Variants in SHROOM4 observed in about 807,000 individuals in gnomAD.
SHROOM4 encodes protein Shroom4.
SHROOM4 carries 17 observed loss-of-function variants against 80.3 expected under a neutral mutation model. That is an observed-to-expected ratio of 0.21 (90% CI 0.14 to 0.32). The LOEUF (loss-of-function observed/expected upper bound fraction) is 0.32. SHROOM4 is among the 10% of genes least tolerant of loss of function. SHROOM4 has a pLI of 1.00. For missense variants in SHROOM4, 993 were observed against 1,140.3 expected, an observed-to-expected ratio of 0.87 and a Z score of 1.86; for synonymous variants, 400 against 437.5, an observed-to-expected ratio of 0.91 and a Z score of 1.07.
intron 2 of SHROOM4, among the ~76,000 whole-genome samples, chrX:50,659,306 T>C (rs1340866206): frequency 9.0e-6 from 1 of 111,478 alleles, no homozygotes; most frequent in East Asian, 2.8e-4. Context: ...ATGAACACTA[T>C]AGTCCAAGTG....
rs1217867502 is a variant in SHROOM4, at chrX:50,687,267, C to CTTTTTTTTTTTTTT, written c.269+8505_269+8518dup. ...CTATTCAACTTTGCCATTTTGGTGT[C>CTTTTTTTTTTTTTT]TTTTTTTTTTTTTTTTAAAAACAGC... On this transcript the variant is annotated intron_variant, in intron 2 of 8. Coordinates refer to ENST00000376020, the MANE Select transcript of SHROOM4 (RefSeq NM_020717.5). 4.2e-3 allele frequency: 377 copies of CTTTTTTTTTTTTTT among 88,724 alleles called. 6 individuals carry two copies. Among genetic ancestry groups the CTTTTTTTTTTTTTT allele is most frequent in the African/African-American group, 0.016 (353 of 22,012 alleles). The allele number at this position is 88,724 out of a possible 1,213,427, so 7.3% of individuals were successfully genotyped here. A position where few individuals can be genotyped will look rare whatever the true frequency, so the allele number is the denominator to read the frequency against.
chrX:50,629,557 T>C (rs1477425286), intron 4 of SHROOM4, among the ~76,000 whole-genome samples: 1 of 111,903 alleles, frequency 8.9e-6, no homozygotes, highest in African/African-American at 3.3e-5. Flanking sequence ...CAGTAGACAC[T>C]GAGATGCTAG....
In SHROOM4 at chrX:50,610,352, T is replaced by TCACACA. The variant is rs1557249589; in HGVS notation, c.2958-2174_2958-2169dup. 9.7e-4 allele frequency among the ~76,000 whole-genome samples: 89 copies of TCACACA among 91,704 alleles called. 1 individual carries two copies. In the East Asian group the frequency reaches 0.012, roughly 13 times the overall value. 79.6% of individuals were successfully genotyped at this position (91,704 alleles called of 115,157 possible). On this transcript the variant is annotated intron_variant, in intron 5 of 8. Transcript: ENST00000376020. Reference sequence around the variant, plus strand: ...GGCATATTCTCTCTCTCTCTCTCTCTCACACACACACACACACACACACAC... The same window carrying TCACACA: ...GGCATATTCTCTCTCTCTCTCTCTCTCACACACACACACACACACACACACACACAC...
intron 1 of SHROOM4, among the ~76,000 whole-genome samples, chrX:50,746,121 A>G (rs782452213): frequency 3.6e-4 from 40 of 111,898 alleles, no homozygotes; most frequent in African/African-American, 1.3e-3. Flanking sequence ...TAAACTGCAC[A>G]TATTTAAAGT....
chrX:50,718,888 A>T (rs1254784430), intron 1 of SHROOM4, among the ~76,000 whole-genome samples: 2 of 111,251 alleles, frequency 1.8e-5, no homozygotes, highest in Non-Finnish European at 3.8e-5. Context: ...GCAAACTTAC[A>T]CACACACATG....
intron 5 of SHROOM4, among the ~76,000 whole-genome samples, chrX:50,613,124 G>A (rs1557250169): frequency 8.9e-6 from 1 of 111,753 alleles, no homozygotes. Context: ...AAATTCATCA[G>A]AAACTTTTTT....
intron 1 of SHROOM4, among the ~76,000 whole-genome samples, chrX:50,774,745 C>T (rs781877340): frequency 2.7e-5 from 3 of 109,667 alleles, no homozygotes; most frequent in South Asian, 4.0e-4. Context: ...ATATGTTCAT[C>T]GAATGTTCAA....
Position 50,674,294 on chromosome X carries a change from A to C in SHROOM4, c.269+21492T>G, listed in dbSNP as rs139266928. On this transcript the variant is annotated intron_variant, in intron 2 of 8. Transcript: ENST00000376020. Reference sequence around the variant, plus strand: ...AAAGCAATTGTGAAAAAGAAGAATAAAGTAAGAATCAATATACCCAATTTC... The same window carrying C: ...AAAGCAATTGTGAAAAAGAAGAATACAGTAAGAATCAATATACCCAATTTC... Among the ~76,000 whole-genome samples, 910 of 111,574 alleles carry C rather than the reference A, an allele frequency of 8.2e-3. 11 individuals carry two copies. Among genetic ancestry groups the C allele is most frequent in the African/African-American group, 0.028 (852 of 30,828 alleles).
intron 5 of SHROOM4, among the ~76,000 whole-genome samples, chrX:50,626,532 A>G (rs1557253097): frequency 9.0e-6 from 1 of 111,726 alleles, no homozygotes; most frequent in Non-Finnish European, 1.9e-5. Flanking sequence ...GACCAGCTGC[A>G]TCAGCATCAC....
chrX:50,758,339 A>T (rs1165347623), intron 1 of SHROOM4, among the ~76,000 whole-genome samples: 5 of 111,967 alleles, frequency 4.5e-5, no homozygotes, highest in East Asian at 5.6e-4. Context: ...GTATGATGCT[A>T]CCTGTAAGGT....
chrX:50,805,681 C>A (rs782341021), intron 1 of SHROOM4, among the ~76,000 whole-genome samples: 1 of 111,667 alleles, frequency 9.0e-6, no homozygotes, highest in South Asian at 3.8e-4. Flanking sequence ...GGGTCCTTAG[C>A]AACCCTTCAG....
intron 2 of SHROOM4, among the ~76,000 whole-genome samples, chrX:50,692,854 G>T (rs1474610041): frequency 2.7e-5 from 3 of 111,435 alleles, no homozygotes; most frequent in African/African-American, 9.8e-5. Flanking sequence ...CTCTCTTCAG[G>T]ATAAATCATT....
intron 5 of SHROOM4, among the ~76,000 whole-genome samples, chrX:50,616,208 C>T (rs1321325864): frequency 4.5e-5 from 5 of 112,069 alleles, no homozygotes; most frequent in Non-Finnish European, 9.4e-5. Flanking sequence ...CTGATATTTA[C>T]CTTGAAACCT....
At chrX:50,717,725 G>T (rs1557265025) in intron 1 of SHROOM4, among the ~76,000 whole-genome samples, 2 of 111,891 alleles carry the variant, frequency 1.8e-5, no homozygotes, top group Admixed American at 9.5e-5. Context: ...GAAGGCAGCA[G>T]TCTTCAATTA....
downstream of SHROOM4, among the ~76,000 whole-genome samples, chrX:50,584,582 G>C (rs1029094538): frequency 8.7e-4 from 98 of 112,003 alleles, no homozygotes; most frequent in African/African-American, 2.7e-3. Context: ...TAATGATGTA[G>C]TTCAGAGGAT....
intron 1 of SHROOM4, among the ~76,000 whole-genome samples, chrX:50,786,411 G>A (rs1290830905): frequency 8.9e-6 from 1 of 111,934 alleles, no homozygotes; most frequent in African/African-American, 3.3e-5. Flanking sequence ...TCTCTCTGGT[G>A]AGGAAAGGAG....
rs782189506 is a variant in SHROOM4 at position 50,761,544 on chromosome X, C to T, written c.117+52358G>A. Reference sequence around the variant, plus strand: ...TGATATTGAGCTTTTCATTCATCTGCTTGCTTGTTGGCCACATGTATATCT... The same window carrying T: ...TGATATTGAGCTTTTCATTCATCTGTTTGCTTGTTGGCCACATGTATATCT... On this transcript the variant is annotated intron_variant, in intron 1 of 8. Transcript: ENST00000376020. Among the ~76,000 whole-genome samples, 15 of 111,584 alleles carry T rather than the reference C, an allele frequency of 1.3e-4. No homozygotes were observed. In the East Asian group the frequency reaches 4.2e-3, roughly 32 times the overall value.
In SHROOM4 at chrX:50,602,823, C is replaced by T; in HGVS notation, c.3762-10G>A. 1.7e-6 allele frequency: 2 copies of T among 1,206,349 alleles called. No individual in the cohort carries two copies. Among genetic ancestry groups the T allele is most frequent in the Admixed American group, 4.4e-5 (2 of 45,957 alleles). On this transcript the variant is annotated splice_polypyrimidine_tract_variant and intron_variant, in intron 6 of 8. Transcript: ENST00000376020. ...GTGCTGAAACTCTTGTCTGTGGAAACAAAGAATGACCATTTGAGCACCTCT... is the reference window on the plus strand; with the variant it reads ...GTGCTGAAACTCTTGTCTGTGGAAATAAAGAATGACCATTTGAGCACCTCT...
At chrX:50,805,883 T>C (rs1329610035) in intron 1 of SHROOM4, among the ~76,000 whole-genome samples, 1 of 111,319 alleles carries the variant, frequency 9.0e-6, no homozygotes, top group Non-Finnish European at 1.9e-5. Context: ...GATTTGCTGA[T>C]TGTTTTCAAA....
Sources: allele counts gnomAD v4.1 joint callset (sites outside exome capture counted in the v4.1 genomes callset), GRCh38; gene constraint gnomAD v4.1.1; transcripts MANE v1.5; gene names NCBI Gene and HGNC (gene_info 2026-07-23, HGNC 2026-07-21).